The following MAP3K20 variants were observed in gnomAD, a reference collection of about 807,000 sequenced individuals.
MAP3K20 encodes mitogen-activated protein kinase kinase kinase 20, also known as HCCS-4.
Under a neutral mutation model 85.7 loss-of-function variants are expected in MAP3K20, and 40 were observed. That is an observed-to-expected ratio of 0.47 (90% CI 0.36 to 0.61). The LOEUF (loss-of-function observed/expected upper bound fraction) is 0.61. MAP3K20 is among the 20% of genes least tolerant of loss of function. MAP3K20 has a pLI of 0.00. For synonymous variants in MAP3K20, 325 were observed against 327.7 expected, an observed-to-expected ratio of 0.99 and a Z score of 0.09; for missense variants, 817 against 961.7, an observed-to-expected ratio of 0.85 and a Z score of 1.99.
At chr2:173,166,078 A>ACTCCTC (rs1183790854) in intron 2 of MAP3K20, among the ~76,000 whole-genome samples, 1 of 152,020 alleles carries the variant, frequency 6.6e-6, no homozygotes, top group Non-Finnish European at 1.5e-5. Flanking sequence ...TTAAGCAATA[A>ACTCCTC]CTCCTCATTT....
intron 2 of MAP3K20, among the ~76,000 whole-genome samples, chr2:173,137,336 T>C (rs3754744): frequency 0.27 from 41,632 of 152,166 alleles, 7,024 homozygotes; most frequent in Non-Finnish European, 0.38. Flanking sequence ...TTTTGTGCCT[T>C]GGTAGTCACC....
chr2:173,239,534 C>G, intron 16 of MAP3K20, 38 bp downstream of exon 16: 1 of 1,575,634 alleles, frequency 6.3e-7, no homozygotes, highest in Non-Finnish European at 8.7e-7. Flanking sequence ...AAATCTCAAT[C>G]GAACTACTCT....
At chr2:173,080,591 C>T (rs1015751133) in intron 1 of MAP3K20, among the ~76,000 whole-genome samples, 1 of 152,158 alleles carries the variant, frequency 6.6e-6, no homozygotes, top group African/African-American at 2.4e-5. Context: ...CATTTATGAC[C>T]TAATCACCTC....
At chr2:173,091,981 CCT>C (rs1687314405) in intron 2 of MAP3K20, among the ~76,000 whole-genome samples, 1 of 152,202 alleles carries the variant, frequency 6.6e-6, no homozygotes, top group African/African-American at 2.4e-5. Flanking sequence ...CTATTTACGC[CCT>C]GTTTTGGCAA....
In MAP3K20 at chr2:173,249,973, A is replaced by G. The variant is rs557858295; in HGVS notation, c.1360-8726A>G. ...TAACAACCCCCCAAAAGGCAATATA[A>G]CAACCTTATCTCCACCGGTGTCTAC... On this transcript the variant is annotated intron_variant, in intron 16 of 19. Coordinates refer to ENST00000375213, the MANE Select transcript of MAP3K20 (RefSeq NM_016653.3). Among the ~76,000 whole-genome samples, 6 of 152,280 alleles carry G rather than the reference A, an allele frequency of 3.9e-5. No homozygotes were observed. In the South Asian group the frequency reaches 1.2e-3, roughly 32 times the overall value.
chr2:173,096,815 T>A (rs1687475617), intron 2 of MAP3K20, among the ~76,000 whole-genome samples: 2 of 152,232 alleles, frequency 1.3e-5, no homozygotes, highest in African/African-American at 4.8e-5. Context: ...AGTGTACTAT[T>A]TATTTCTGTT....
rs1445697081 is a variant in MAP3K20, at chr2:173,091,176, A to C, written c.145A>C (p.Lys49Gln). ...DKEVAVKKLLKIEKEAEILSV... is the reference protein window; with the variant it reads ...DKEVAVKKLLQIEKEAEILSV... ...GGAGGTGGCTGTAAAGAAGCTCCTC[A>C]AAATAGAGAAAGAGGTAAGGTCTTT... Residue 49 changes from lysine to glutamine, a missense_variant, in exon 2 of 20, where the codon AAA becomes CAA. Physicochemically the swap from Lys to Gln is moderately conservative, Grantham distance 53. Coordinates refer to ENST00000375213, the MANE Select transcript of MAP3K20 (RefSeq NM_016653.3). 1 of 1,612,682 alleles carries C rather than the reference A, an allele frequency of 6.2e-7. No homozygotes were observed.
At chr2:173,232,540 G>A in intron 14 of MAP3K20, 81 bp downstream of exon 14, 1 of 1,564,544 alleles carries the variant, frequency 6.4e-7, no homozygotes, top group Non-Finnish European at 8.6e-7. Flanking sequence ...GTCTTGCTCT[G>A]TTGCCCAGGC....
intron 19 of MAP3K20, among the ~76,000 whole-genome samples, chr2:173,264,978 A>T (rs1428258765): frequency 6.6e-6 from 1 of 152,220 alleles, no homozygotes; most frequent in South Asian, 2.1e-4. Context: ...ACTGAACTAG[A>T]GGCTTAAAAA....
intron 16 of MAP3K20, among the ~76,000 whole-genome samples, chr2:173,246,293 T>A (rs17691325): frequency 0.15 from 22,503 of 152,126 alleles, 2,008 homozygotes; most frequent in South Asian, 0.27. Flanking sequence ...AGGATATTGG[T>A]AATGAAAAGG....
chr2:173,172,823 G>A (rs1272083066), intron 3 of MAP3K20, among the ~76,000 whole-genome samples: 1 of 149,566 alleles, frequency 6.7e-6, no homozygotes, highest in Admixed American at 6.7e-5. Context: ...TTTTTGAGAC[G>A]GAGTCTTGCT....
intron 8 of MAP3K20, among the ~76,000 whole-genome samples, chr2:173,199,301 G>A (rs1042829000): frequency 6.6e-6 from 1 of 152,194 alleles, no homozygotes; most frequent in African/African-American, 2.4e-5. Context: ...TGGATGAAAT[G>A]TTGATGATAG....
rs1358737405 is a variant in MAP3K20 at position 173,101,165 on chromosome 2, T to C, written c.159+9975T>C. Among the ~76,000 whole-genome samples, 4 of 152,356 alleles carry C rather than the reference T, an allele frequency of 2.6e-5. No homozygotes were observed. The South Asian group carries it at 8.3e-4, about 32-fold the overall frequency. ...GGAAAATTACCTGAATTATAAATAA[T>C]GTTCCTACCATGTTATGTGAAATGT... On this transcript the variant is annotated intron_variant, in intron 2 of 19. Transcript: ENST00000375213.
intron 19 of MAP3K20, among the ~76,000 whole-genome samples, chr2:173,264,607 C>T (rs377689645): frequency 2.6e-5 from 4 of 152,302 alleles, no homozygotes; most frequent in African/African-American, 9.6e-5. Context: ...CTGACTTAAA[C>T]TAATTAAAGT....
At chr2:173,221,480 G>A in intron 11 of MAP3K20, 1 of 1,609,806 alleles carries the variant, frequency 6.2e-7, no homozygotes, top group South Asian at 1.1e-5. Context: ...TGACGATGAT[G>A]ATGATGATGA....
At chr2:173,162,613 G>A (rs1226309502) in intron 2 of MAP3K20, among the ~76,000 whole-genome samples, 2 of 151,340 alleles carry the variant, frequency 1.3e-5, no homozygotes, top group African/African-American at 4.9e-5. Flanking sequence ...TTGAACCCAG[G>A]AGGCGGAGGT....
At position 173,134,409 on chromosome 2, in the gene MAP3K20, TATATATATA is replaced by T. The variant is rs1469546689; in HGVS notation, c.160-35395_160-35387del. Among the ~76,000 whole-genome samples, 28 of 9,728 alleles carry T rather than the reference TATATATATA, an allele frequency of 2.9e-3. 3 individuals carry two copies. The highest frequency in any genetic ancestry group is 6.0e-3 in the Non-Finnish European group (21 of 3,484). 6.4% of individuals were successfully genotyped at this position (9,728 alleles called of 152,430 possible). A position where few individuals can be genotyped will look rare whatever the true frequency, so the allele number is the denominator to read the frequency against. On this transcript the variant is annotated intron_variant, in intron 2 of 19. Transcript: ENST00000375213. ...GTCTCTATACATATATATATATATA[TATATATATA>T]TATATATATATTTTTTTTTTTTTTT... is the stretch of plus-strand genomic sequence containing the variant.
chr2:173,201,109 T>C (rs2106288750), intron 8 of MAP3K20, among the ~76,000 whole-genome samples: 1 of 152,302 alleles, frequency 6.6e-6, no homozygotes, highest in South Asian at 2.1e-4. Context: ...AAGATTACTT[T>C]TTGCATCTAT....
At chr2:173,136,240 C>T (rs986845471) in intron 2 of MAP3K20, among the ~76,000 whole-genome samples, 9 of 152,100 alleles carry the variant, frequency 5.9e-5, no homozygotes, top group African/African-American at 1.4e-4. Flanking sequence ...GCTGATGGCA[C>T]GGAGGAATGT....
Sources: gnomAD v4.1 joint callset for allele counts (sites outside exome capture counted in the v4.1 genomes callset) on GRCh38, gnomAD v4.1.1 for gene constraint, MANE v1.5 for transcripts, NCBI Gene and HGNC (gene_info 2026-07-23, HGNC 2026-07-21) for gene names.